UNC5C: variants seen among roughly 807,000 people sequenced by gnomAD.
The protein encoded by UNC5C is unc-5 netrin receptor C, also known as netrin receptor UNC5C.
UNC5C carries 47 observed loss-of-function variants against 99.8 expected under a neutral mutation model. The ratio of observed to expected loss-of-function variants is 0.47; its 90% CI spans 0.37 to 0.60. The LOEUF (loss-of-function observed/expected upper bound fraction) is 0.60, where lower values mean the gene tolerates loss of function less well. UNC5C is among the 20% of genes least tolerant of loss of function. The pLI is 0.00. For missense variants in UNC5C, 1,062 were observed against 1,165.9 expected (o/e 0.91, Z 1.30); for synonymous variants, 487 against 452.2 (o/e 1.08, Z -0.98).
intron 3 of UNC5C, among the ~76,000 whole-genome samples, chr4:95,279,531 G>A (rs1740978099): frequency 6.6e-6 from 1 of 152,148 alleles, no homozygotes; most frequent in African/African-American, 2.4e-5. Context: ...TATACATTTA[G>A]TCTAATTTCT....
At chr4:95,429,240 G>A (rs1251529336) in intron 1 of UNC5C, among the ~76,000 whole-genome samples, 4 of 148,196 alleles carry the variant, frequency 2.7e-5, no homozygotes, top group African/African-American at 7.6e-5. Context: ...ACTTGCTGGA[G>A]CATTTCAGAT....
intron 1 of UNC5C, among the ~76,000 whole-genome samples, chr4:95,419,935 T>C (rs1746271492): frequency 6.6e-6 from 1 of 152,192 alleles, no homozygotes; most frequent in Admixed American, 6.6e-5. Flanking sequence ...AGGATGGATA[T>C]TTTTTACAAT....
intron 1 of UNC5C, among the ~76,000 whole-genome samples, chr4:95,470,770 G>A (rs1238042474): frequency 6.6e-6 from 1 of 152,016 alleles, no homozygotes; most frequent in Non-Finnish European, 1.5e-5. Context: ...ATTTTTAAAC[G>A]ATAAAGAAAA....
At chr4:95,473,919 C>G (rs1177938377) in intron 1 of UNC5C, among the ~76,000 whole-genome samples, 1 of 151,982 alleles carries the variant, frequency 6.6e-6, no homozygotes, top group East Asian at 1.9e-4. Flanking sequence ...GGTCCAAATC[C>G]CTGAGATAGA....
intron 8 of UNC5C, 40 bp downstream of exon 8, chr4:95,219,945 A>T (rs375536257): frequency 2.6e-5 from 41 of 1,587,692 alleles, no homozygotes; most frequent in Non-Finnish European, 3.1e-5. Flanking sequence ...AACTGCTTAC[A>T]TGCATAAGTA....
chr4:95,520,952 G>A (rs1255065057), intron 1 of UNC5C, among the ~76,000 whole-genome samples: 2 of 151,950 alleles, frequency 1.3e-5, no homozygotes, highest in Non-Finnish European at 2.9e-5. Flanking sequence ...TGTAGCCTGG[G>A]AAAATAATGA....
chr4:95,242,846 A>G (rs1739377039), intron 6 of UNC5C, among the ~76,000 whole-genome samples: 1 of 152,154 alleles, frequency 6.6e-6, no homozygotes, highest in Admixed American at 6.5e-5. Flanking sequence ...CAAAATCCAA[A>G]GTTGTCACCA....
chr4:95,239,666 T>C (rs1739259653), intron 7 of UNC5C, among the ~76,000 whole-genome samples: 1 of 151,992 alleles, frequency 6.6e-6, no homozygotes, highest in African/African-American at 2.4e-5. Context: ...GTATTTTCTC[T>C]CTCTCTCTTT....
chr4:95,186,162 C>A (rs1219197605), intron 12 of UNC5C, among the ~76,000 whole-genome samples: 2 of 152,058 alleles, frequency 1.3e-5, no homozygotes, highest in East Asian at 3.9e-4. Context: ...TCCTCTCATG[C>A]CTTAAAAGTT....
At chr4:95,350,662 G>A (rs926696176) in intron 1 of UNC5C, among the ~76,000 whole-genome samples, 3 of 152,178 alleles carry the variant, frequency 2.0e-5, no homozygotes, top group East Asian at 3.9e-4. Flanking sequence ...ATAGGGTTAA[G>A]CCTTACTAGC....
At chr4:95,193,762 C>T (rs1190971730) in intron 12 of UNC5C, among the ~76,000 whole-genome samples, 1 of 152,146 alleles carries the variant, frequency 6.6e-6, no homozygotes, top group African/African-American at 2.4e-5. Context: ...AGCTTTTCGG[C>T]GACGCTGCTG....
chr4:95,546,718 T>A (rs940623673), intron 1 of UNC5C, among the ~76,000 whole-genome samples: 1 of 152,218 alleles, frequency 6.6e-6, no homozygotes, highest in East Asian at 1.9e-4. Context: ...AAGTCTATCC[T>A]AAGCATCTTT....
chr4:95,358,916 G>T (rs1309120460), intron 1 of UNC5C, among the ~76,000 whole-genome samples: 1 of 152,168 alleles, frequency 6.6e-6, no homozygotes. Context: ...CCACAGCCAT[G>T]AAACTGTTAT....
chr4:95,451,322 T>C (rs1747273933), intron 1 of UNC5C, among the ~76,000 whole-genome samples: 1 of 152,180 alleles, frequency 6.6e-6, no homozygotes, highest in South Asian at 2.1e-4. Context: ...CTTAGTAAAG[T>C]GATATTCATT....
intron 1 of UNC5C, among the ~76,000 whole-genome samples, chr4:95,405,951 TA>T (rs1447202721): frequency 6.6e-6 from 1 of 152,220 alleles, no homozygotes; most frequent in African/African-American, 2.4e-5. Flanking sequence ...TAGGTTACCA[TA>T]ATGTGAAATG....
At chr4:95,177,420 G>A (rs1351362244) in intron 14 of UNC5C, among the ~76,000 whole-genome samples, 1 of 152,062 alleles carries the variant, frequency 6.6e-6, no homozygotes, top group Non-Finnish European at 1.5e-5. Context: ...CCCCCCATAT[G>A]CTGCCCTGCA....
At chr4:95,221,151 A>G (rs1326105637) in intron 7 of UNC5C, among the ~76,000 whole-genome samples, 2 of 152,148 alleles carry the variant, frequency 1.3e-5, no homozygotes, top group African/African-American at 4.8e-5. Context: ...AACAAATGAA[A>G]TGAAACCTTT....
At chr4:95,226,472 G>A (rs1456120284) in intron 7 of UNC5C, among the ~76,000 whole-genome samples, 1 of 152,150 alleles carries the variant, frequency 6.6e-6, no homozygotes, top group Non-Finnish European at 1.5e-5. Context: ...ACGTTACTAA[G>A]GTATACTAAG....
chr4:95,219,474 T>C (rs1225512674), intron 8 of UNC5C, among the ~76,000 whole-genome samples, 161 bp from the exon 9 acceptor site: 1 of 152,212 alleles, frequency 6.6e-6, no homozygotes, highest in East Asian at 1.9e-4. Context: ...ATCAGATAAC[T>C]ACCAGCTCTT....
Sources: allele counts gnomAD v4.1 joint callset (sites outside exome capture counted in the v4.1 genomes callset), GRCh38; gene constraint gnomAD v4.1.1; transcripts MANE v1.5; gene names NCBI Gene and HGNC (gene_info 2026-07-23, HGNC 2026-07-21).